Variants in FAT3 observed in about 807,000 individuals in gnomAD.
FAT3 encodes protocadherin Fat 3.
Under a neutral mutation model 310.2 loss-of-function variants are expected in FAT3, and 95 were observed. That is an observed-to-expected ratio of 0.31 (90% CI 0.26 to 0.36). The LOEUF (loss-of-function observed/expected upper bound fraction) is 0.36. Ranked by LOEUF, FAT3 falls within the 10% of genes least tolerant of loss-of-function variation. FAT3 has a pLI of 1.00. For synonymous variants in FAT3, 2,314 were observed against 2,192.9 expected (o/e 1.06, Z -1.54); for missense variants, 5,408 against 5,715.6 (o/e 0.95, Z 1.74).
intron 21 of FAT3, among the ~76,000 whole-genome samples, chr11:92,859,999 G>A (rs949930019): frequency 1.1e-4 from 16 of 152,060 alleles, no homozygotes; most frequent in Non-Finnish European, 1.5e-4. Flanking sequence ...TCAGGAGTTC[G>A]AGTTCCAGCC....
chr11:92,509,641 A>G (rs1295777500), intron 2 of FAT3, among the ~76,000 whole-genome samples: 1 of 152,188 alleles, frequency 6.6e-6, no homozygotes, highest in Non-Finnish European at 1.5e-5. Context: ...GCAAGTGGAC[A>G]TCACTACAGT....
At chr11:92,731,702 G>GA (rs5793621) in intron 4 of FAT3, among the ~76,000 whole-genome samples, 70,255 of 147,882 alleles carry the variant, frequency 0.48, 16,834 homozygotes, top group African/African-American at 0.52. Context: ...ATTCTCTTGG[G>GA]AAAAAAAAAA....
At chr11:92,566,000 C>T (rs527238499) in intron 3 of FAT3, among the ~76,000 whole-genome samples, 1 of 152,144 alleles carries the variant, frequency 6.6e-6, no homozygotes, top group East Asian at 1.9e-4. Flanking sequence ...CCTCTCTCAC[C>T]ACTCCTATTC....
chr11:92,324,794 G>A (rs1947722573), intron 1 of FAT3, among the ~76,000 whole-genome samples: 2 of 152,266 alleles, frequency 1.3e-5, no homozygotes, highest in South Asian at 2.1e-4. Flanking sequence ...ATAACATGAG[G>A]TATGCCTGTC....
At chr11:92,552,105 T>A (rs908631712) in intron 3 of FAT3, among the ~76,000 whole-genome samples, 2 of 152,208 alleles carry the variant, frequency 1.3e-5, no homozygotes, top group African/African-American at 2.4e-5. Flanking sequence ...ATATTCAGCA[T>A]CTAAAAAATT....
intron 3 of FAT3, among the ~76,000 whole-genome samples, chr11:92,598,533 C>A (rs141413129): frequency 0.012 from 1,827 of 152,190 alleles, 35 homozygotes; most frequent in African/African-American, 0.042. Context: ...TTGAAGGTAT[C>A]ATTTGAGCCT....
intron 4 of FAT3, among the ~76,000 whole-genome samples, chr11:92,756,165 A>C (rs2676160): frequency 0.74 from 112,172 of 152,162 alleles, 42,865 homozygotes; most frequent in Non-Finnish European, 0.83. Flanking sequence ...GATATGTTCC[A>C]AGATCCCCAG....
chr11:92,474,406 C>T (rs543979625), intron 2 of FAT3, among the ~76,000 whole-genome samples: 3 of 152,276 alleles, frequency 2.0e-5, no homozygotes, highest in East Asian at 3.9e-4. Context: ...CAAGCCACTG[C>T]ACCTAAAATA....
intron 1 of FAT3, among the ~76,000 whole-genome samples, chr11:92,304,148 A>G (rs1480897764): frequency 6.6e-6 from 1 of 151,968 alleles, no homozygotes; most frequent in Non-Finnish European, 1.5e-5. Context: ...AGTGTGCCTC[A>G]GTACACCTCT....
rs969762082 is a variant in FAT3 at position 92,896,031 on chromosome 11, C to G, written c.*4918C>G. 2.6e-5 allele frequency: 4 copies of G among 152,098 alleles called. No individual in the cohort carries two copies. Among genetic ancestry groups the G allele is most frequent in the African/African-American group, 9.7e-5 (4 of 41,414 alleles). The allele number at this position is 152,098 out of a possible 1,614,324, so 9.4% of individuals were successfully genotyped here. A position where few individuals can be genotyped will look rare whatever the true frequency, so the allele number is the denominator to read the frequency against. ...TCTTACTGTTTTCATTTAACTTTCTCTGTTTTCAAGAAAAATTGTCTTTAT... is the reference window on the plus strand; with the variant it reads ...TCTTACTGTTTTCATTTAACTTTCTGTGTTTTCAAGAAAAATTGTCTTTAT... On this transcript the variant is annotated 3_prime_UTR_variant, in exon 28 of 28. Coordinates refer to ENST00000525166, the MANE Select transcript of FAT3 (RefSeq NM_001367949.2).
chr11:92,488,722 G>T (rs1468862200), intron 2 of FAT3, among the ~76,000 whole-genome samples: 1 of 151,892 alleles, frequency 6.6e-6, no homozygotes, highest in Non-Finnish European at 1.5e-5. Flanking sequence ...TTACCTTTCA[G>T]TTTAAGTGTT....
chr11:92,649,319 A>C (rs914200347), intron 3 of FAT3, among the ~76,000 whole-genome samples: 1 of 152,182 alleles, frequency 6.6e-6, no homozygotes, highest in African/African-American at 2.4e-5. Context: ...TCAGCATTTG[A>C]TGCTTGTCTT....
chr11:92,509,491 C>T (rs781703861), intron 2 of FAT3, among the ~76,000 whole-genome samples: 2 of 152,168 alleles, frequency 1.3e-5, no homozygotes, highest in South Asian at 2.1e-4. Flanking sequence ...AAATGGTAAA[C>T]ATCACATGAA....
intron 2 of FAT3, among the ~76,000 whole-genome samples, chr11:92,500,949 T>G (rs889531796): frequency 6.6e-6 from 1 of 152,108 alleles, no homozygotes; most frequent in Non-Finnish European, 1.5e-5. Flanking sequence ...TTTTAATCTT[T>G]TTCAACATTA....
chr11:92,348,022 A>G (rs558993632), intron 1 of FAT3, among the ~76,000 whole-genome samples: 5 of 152,298 alleles, frequency 3.3e-5, no homozygotes, highest in African/African-American at 1.2e-4. Context: ...ACAAAATTCA[A>G]TTCTATTATT....
chr11:92,388,493 A>G (rs972216966), intron 2 of FAT3, among the ~76,000 whole-genome samples: 5 of 152,204 alleles, frequency 3.3e-5, no homozygotes, highest in African/African-American at 1.2e-4. Context: ...CTATAATTTA[A>G]TTCTTAATTG....
At chr11:92,368,897 C>G (rs930864116) in intron 2 of FAT3, among the ~76,000 whole-genome samples, 1 of 123,220 alleles carries the variant, frequency 8.1e-6, no homozygotes, top group Non-Finnish European at 1.5e-5. Flanking sequence ...TATATACACA[C>G]ACACATATAT....
At chr11:92,562,729 A>G (rs1955277750) in intron 3 of FAT3, among the ~76,000 whole-genome samples, 2 of 152,194 alleles carry the variant, frequency 1.3e-5, no homozygotes, top group Admixed American at 6.5e-5. Context: ...TTGAAGGCCC[A>G]AGAACCATAA....
chr11:92,671,919 A>G (rs1052134693), intron 3 of FAT3, among the ~76,000 whole-genome samples: 2 of 152,138 alleles, frequency 1.3e-5, no homozygotes, highest in African/African-American at 4.8e-5. Flanking sequence ...CAGCCTGGAC[A>G]ATATGGTGAA....
Sources: allele counts gnomAD v4.1 joint callset (sites outside exome capture counted in the v4.1 genomes callset), GRCh38; gene constraint gnomAD v4.1.1; transcripts MANE v1.5; gene names NCBI Gene and HGNC (gene_info 2026-07-23, HGNC 2026-07-21).